The following FBXW8 variants were observed in gnomAD, a reference collection of about 807,000 sequenced individuals.
FBXW8 encodes F-box/WD repeat-containing protein 8.
In FBXW8, 57 loss-of-function variants were observed where a neutral mutation model predicts 65.3. That is an observed-to-expected ratio of 0.87 (90% confidence interval 0.71 to 1.09). The LOEUF is 1.09. Among genes scored for constraint, FBXW8 ranks in the 50% least tolerant of loss-of-function variants. FBXW8 has a pLI of 0.00. For synonymous variants in FBXW8, 308 were observed against 330.2 expected (o/e 0.93, Z 0.73); for missense variants, 777 against 814.8 (o/e 0.95, Z 0.57).
chr12:117,009,632 C>CA (rs1018414622), intron 7 of FBXW8, among the ~76,000 whole-genome samples: 14 of 152,016 alleles, frequency 9.2e-5, no homozygotes, highest in Non-Finnish European at 1.5e-4. Context: ...ACTTTTTAAG[C>CA]AAAAAACGTA....
chr12:117,017,167 A>G (rs1953972866), intron 8 of FBXW8, among the ~76,000 whole-genome samples: 1 of 152,224 alleles, frequency 6.6e-6, no homozygotes, highest in South Asian at 2.1e-4. Flanking sequence ...TAATAACTAA[A>G]TGTTTTAGTA....
At chr12:116,935,674 A>G (rs1245607924) in intron 2 of FBXW8, among the ~76,000 whole-genome samples, 1 of 152,222 alleles carries the variant, frequency 6.6e-6, no homozygotes, top group Non-Finnish European at 1.5e-5. Flanking sequence ...AAGAATGGCA[A>G]ATGAACATTG....
intron 5 of FBXW8, among the ~76,000 whole-genome samples, chr12:116,973,835 C>T (rs1884769838): frequency 6.6e-6 from 1 of 152,170 alleles, no homozygotes; most frequent in Non-Finnish European, 1.5e-5. Flanking sequence ...GAAGTTCTTG[C>T]AGCTTTTCTG....
chr12:117,003,163 G>A (rs890442167), intron 7 of FBXW8: 9 of 152,290 alleles, frequency 5.9e-5, no homozygotes, highest in African/African-American at 2.2e-4. Flanking sequence ...TCGACTTTGT[G>A]TGTTCATTTG....
At chr12:116,977,417 G>GT (rs1195935245) in intron 5 of FBXW8, 1 of 152,060 alleles carries the variant, frequency 6.6e-6, no homozygotes, top group Non-Finnish European at 1.5e-5. Flanking sequence ...TTTTACTTTT[G>GT]TTAGTGATAG....
At chr12:116,938,910 GC>G (rs1882360293) in intron 2 of FBXW8, among the ~76,000 whole-genome samples, 1 of 152,200 alleles carries the variant, frequency 6.6e-6, no homozygotes, top group South Asian at 2.1e-4. Context: ...TGGAGAAGTA[GC>G]CCCAGTCTGG....
At chr12:116,959,526 T>A (rs1183364426) in intron 4 of FBXW8, among the ~76,000 whole-genome samples, 1 of 152,122 alleles carries the variant, frequency 6.6e-6, no homozygotes, top group Non-Finnish European at 1.5e-5. Flanking sequence ...GGAAGGGCCT[T>A]AAAAAATTTT....
intron 2 of FBXW8, among the ~76,000 whole-genome samples, chr12:116,930,288 G>A (rs1340424071): frequency 6.6e-6 from 1 of 152,190 alleles, no homozygotes; most frequent in Non-Finnish European, 1.5e-5. Context: ...CACTAACAGT[G>A]TGCAAGGGTT....
At chr12:116,913,712 T>C (rs1381832937) in intron 1 of FBXW8, among the ~76,000 whole-genome samples, 2 of 152,146 alleles carry the variant, frequency 1.3e-5, no homozygotes, top group East Asian at 3.9e-4. Context: ...GCAACGTTTA[T>C]GGAAAAAACC....
intron 2 of FBXW8, among the ~76,000 whole-genome samples, chr12:116,943,564 T>C (rs4766816): frequency 0.55 from 83,009 of 152,060 alleles, 26,666 homozygotes; most frequent in Admixed American, 0.7. Flanking sequence ...CTCTGTATAT[T>C]GGGGTACTGC....
chr12:116,988,984 T>C, intron 7 of FBXW8, 115 bp downstream of exon 7: 2 of 932,770 alleles, frequency 2.1e-6, no homozygotes, highest in Non-Finnish European at 3.2e-6. Flanking sequence ...GGCCAGTATA[T>C]AAGCATGGTC....
intron 5 of FBXW8, among the ~76,000 whole-genome samples, chr12:116,982,595 T>C (rs1407040124): frequency 2.0e-5 from 3 of 150,188 alleles, no homozygotes; most frequent in Non-Finnish European, 4.4e-5. Context: ...GAGAGAAAGA[T>C]TTGACCATTT....
At chr12:116,940,593 G>C (rs1454375241) in intron 2 of FBXW8, among the ~76,000 whole-genome samples, 1 of 151,408 alleles carries the variant, frequency 6.6e-6, no homozygotes. Context: ...GAATGTGAAC[G>C]GTGAGAGATA....
At chr12:117,010,237 T>C in intron 7 of FBXW8, 86 bp from the exon 8 acceptor site, 3 of 1,588,336 alleles carry the variant, frequency 1.9e-6, no homozygotes, top group Non-Finnish European at 2.6e-6. Context: ...ATAAGGATCA[T>C]GCCCTCCACG....
intron 8 of FBXW8, among the ~76,000 whole-genome samples, chr12:117,017,812 A>G (rs1953990743): frequency 6.6e-6 from 1 of 152,150 alleles, no homozygotes; most frequent in African/African-American, 2.4e-5. Context: ...GCCATCAGCT[A>G]CGGTGTTCCT....
chr12:116,963,812 G>A (rs1444717016), intron 4 of FBXW8, among the ~76,000 whole-genome samples: 1 of 152,190 alleles, frequency 6.6e-6, no homozygotes, highest in Non-Finnish European at 1.5e-5. Flanking sequence ...CTTTGTGATT[G>A]TGTGGTTCTA....
Position 116,964,583 on chromosome 12 carries a change from G to T in FBXW8, c.678-114G>T, listed in dbSNP as rs560940456. 3 of 1,237,456 alleles carry T rather than the reference G, an allele frequency of 2.4e-6. No homozygotes were observed. The East Asian group carries it at 7.0e-5, about 29-fold the overall frequency. 76.7% of individuals were successfully genotyped at this position (1,237,456 alleles called of 1,614,324 possible). On this transcript the variant is annotated intron_variant, in intron 4 of 10. Transcript: ENST00000652555. ...TCATCTAAACAGTGCCTCAGCAGTG[G>T]CTCTACACCACCCGATTCTTACTTG...
In FBXW8 at chr12:116,911,241, G is replaced by A. The variant is rs1186314242; in HGVS notation, c.204G>A (p.Ala68=). ...RLLEGAGRPP[A]ARATRAEGQD... The stretch of plus-strand genomic sequence containing the variant: ...TGGAGGGCGCGGGGAGGCCCCCGGC[G>A]GCGCGGGCGACTCGGGCCGAGGGGC... Residue 68 remains alanine (A), a synonymous_variant, in exon 1 of 11, where the codon GCG becomes GCA. Transcript: ENST00000652555. 8.1e-6 allele frequency: 10 copies of A among 1,241,658 alleles called. No homozygotes were observed. In the East Asian group the frequency reaches 3.2e-4, roughly 39 times the overall value. The allele number at this position is 1,241,658 out of a possible 1,614,324, so 76.9% of individuals were successfully genotyped here.
intron 2 of FBXW8, among the ~76,000 whole-genome samples, chr12:116,929,358 C>T (rs1254810943): frequency 2.0e-5 from 3 of 152,064 alleles, no homozygotes; most frequent in African/African-American, 7.2e-5. Context: ...CCTCAGCCAC[C>T]CGCATAGCTG....
Sources: gnomAD v4.1 joint callset for allele counts (sites outside exome capture counted in the v4.1 genomes callset) on GRCh38, gnomAD v4.1.1 for gene constraint, MANE v1.5 for transcripts, NCBI Gene and HGNC (gene_info 2026-07-23, HGNC 2026-07-21) for gene names.